The following TRHDE variants were observed in gnomAD, a reference collection of about 807,000 sequenced individuals.
TRHDE encodes the protein thyrotropin-releasing hormone-degrading ectoenzyme.
In TRHDE, 72 loss-of-function variants were observed where a neutral mutation model predicts 125.7. The ratio of observed to expected loss-of-function variants is 0.57; its 90% CI spans 0.47 to 0.70. The LOEUF (loss-of-function observed/expected upper bound fraction) is 0.70. Ranked by LOEUF, TRHDE falls within the 30% of genes least tolerant of loss-of-function variation. The pLI is 0.00. For missense variants in TRHDE, 1,110 were observed against 1,327.1 expected, an observed-to-expected ratio of 0.84 and a Z score of 2.54; for synonymous variants, 509 against 509.1, an observed-to-expected ratio of 1.00 and a Z score of 0.00.
rs542035102 is a variant in TRHDE at position 72,282,168 on chromosome 12, A to G, written c.915-4513A>G. 3.3e-5 allele frequency among the ~76,000 whole-genome samples: 5 copies of G among 152,334 alleles called. No individual in the cohort carries two copies. In the East Asian group the frequency reaches 9.6e-4, roughly 29 times the overall value. ...TTGTTTAGGAAAGCAGGAGAATAAC[A>G]GACAACAAAATACTTGTCCCCATTA... On this transcript the variant is annotated intron_variant, in intron 1 of 18. Coordinates refer to ENST00000261180, the MANE Select transcript of TRHDE (RefSeq NM_013381.3).
intron 2 of TRHDE, among the ~76,000 whole-genome samples, chr12:72,144,485 T>C (rs1373791714): frequency 6.6e-6 from 1 of 152,248 alleles, no homozygotes; most frequent in Non-Finnish European, 1.5e-5. Context: ...TGACTCCAGG[T>C]GAGCTTTAGC....
intron 3 of TRHDE, among the ~76,000 whole-genome samples, chr12:72,450,191 T>G (rs1163079837): frequency 1.3e-5 from 2 of 152,086 alleles, no homozygotes; most frequent in East Asian, 3.9e-4. Flanking sequence ...GATATACCTC[T>G]GAAATGCCTC....
intron 3 of TRHDE, among the ~76,000 whole-genome samples, chr12:72,404,862 G>C (rs779391551): frequency 1.2e-4 from 18 of 152,158 alleles, no homozygotes; most frequent in Non-Finnish European, 2.5e-4. Context: ...CCATGGGCAA[G>C]TTTGTTATCC....
At chr12:72,280,732 C>T (rs1879666671) in intron 1 of TRHDE, among the ~76,000 whole-genome samples, 1 of 152,048 alleles carries the variant, frequency 6.6e-6, no homozygotes, top group African/African-American at 2.4e-5. Flanking sequence ...TAGCAGGAAC[C>T]AGATAGCAGG....
At chr12:72,257,834 A>G (rs1878853082) in intron 2 of TRHDE, 1 of 152,188 alleles carries the variant, frequency 6.6e-6, no homozygotes, top group Admixed American at 6.5e-5. Context: ...TAAAAAGGGG[A>G]ACGTTTACAT....
At chr12:72,374,031 T>G (rs1487239924) in intron 2 of TRHDE, among the ~76,000 whole-genome samples, 10 of 152,146 alleles carry the variant, frequency 6.6e-5, no homozygotes. Context: ...GGACGAGGCA[T>G]CAGTAGGAAA....
At chr12:72,266,143 A>T (rs1879063160) in intron 2 of TRHDE, among the ~76,000 whole-genome samples, 1 of 152,060 alleles carries the variant, frequency 6.6e-6, no homozygotes, top group South Asian at 2.1e-4. Context: ...AAGAATGGGG[A>T]ATAAATGATT....
chr12:72,280,906 A>G lies in TRHDE; in HGVS notation c.915-5775A>G, dbSNP rs570872521. 1.4e-4 allele frequency among the ~76,000 whole-genome samples: 22 copies of G among 152,332 alleles called. No homozygotes were observed. The East Asian group carries it at 3.1e-3, about 21-fold the overall frequency. ...TTCCGTAATATTTTGCCTCTTTCCA[A>G]TAAAAAAACGTGAATCTCAGACACG... On this transcript the variant is annotated intron_variant, in intron 1 of 18. Coordinates refer to ENST00000261180, the MANE Select transcript of TRHDE (RefSeq NM_013381.3).
intron 3 of TRHDE, among the ~76,000 whole-genome samples, chr12:72,424,294 G>A (rs75737346): frequency 0.018 from 2,790 of 152,112 alleles, 92 homozygotes; most frequent in African/African-American, 0.064. Context: ...CTTCCTGTGT[G>A]TCTCTGTCTT....
At chr12:72,272,269 G>C, upstream of TRHDE, 1 of 366,132 alleles carries the variant, frequency 2.7e-6, no homozygotes, top group Non-Finnish European at 5.4e-6. This position sits in a 1 kb window ranked among gnomAD's most constrained non-coding sequence, Gnocchi z 6.7. Flanking sequence ...GAAGGCTCCC[G>C]CGGAAAGCGA....
intron 4 of TRHDE, 66 bp downstream of exon 4, chr12:72,469,978 C>T: frequency 2.0e-6 from 3 of 1,488,608 alleles, no homozygotes; most frequent in Non-Finnish European, 2.8e-6. Context: ...TGAATACCTA[C>T]ATTAAGAGCT....
rs538509908 is a variant in TRHDE at position 72,172,263 on chromosome 12, C to T, written n.279+66511C>T. Among the ~76,000 whole-genome samples, 4 of 152,286 alleles carry T rather than the reference C, an allele frequency of 2.6e-5. 1 individual carries two copies. The highest frequency in any genetic ancestry group is 9.6e-5 in the African/African-American group (4 of 41,570). Reference sequence around the variant, plus strand: ...TTAATGTATGACCTATATATGATTGCAGACATAAAGATTGAGAACACTGCA... The same window carrying T: ...TTAATGTATGACCTATATATGATTGTAGACATAAAGATTGAGAACACTGCA... On this transcript the variant is annotated intron_variant and non_coding_transcript_variant, in intron 2 of 4. Transcript: ENST00000548156.
chr12:72,512,534 TTATA>T (rs1053056142), intron 6 of TRHDE, among the ~76,000 whole-genome samples: 2 of 137,576 alleles, frequency 1.5e-5, no homozygotes, highest in African/African-American at 2.7e-5. Flanking sequence ...ATATATATGA[TTATA>T]TATATTCATA....
chr12:72,605,330 G>A (rs1424156418), intron 12 of TRHDE, among the ~76,000 whole-genome samples: 1 of 152,024 alleles, frequency 6.6e-6, no homozygotes, highest in African/African-American at 2.4e-5. Flanking sequence ...TAAGCTGTTA[G>A]CATTATTTCT....
intron 12 of TRHDE, among the ~76,000 whole-genome samples, chr12:72,599,654 A>G (rs1422996553): frequency 1.3e-5 from 2 of 152,068 alleles, no homozygotes; most frequent in Non-Finnish European, 2.9e-5. Context: ...ATTTCCTTCC[A>G]TTCTTTAGTT....
chr12:72,522,762 G>A (rs569376458), intron 6 of TRHDE, among the ~76,000 whole-genome samples: 7 of 152,094 alleles, frequency 4.6e-5, no homozygotes, highest in African/African-American at 1.7e-4. Context: ...CCCTTTTTCT[G>A]GTGTCCTGTG....
At chr12:72,517,744 C>T in intron 6 of TRHDE, among the ~76,000 whole-genome samples, 1 of 151,288 alleles carries the variant, frequency 6.6e-6, no homozygotes, top group Admixed American at 6.6e-5. Context: ...GTTAGGGTGT[C>T]AATTTTGGAT....
chr12:72,567,311 A>C (rs1555198285), intron 9 of TRHDE, among the ~76,000 whole-genome samples: 2 of 150,408 alleles, frequency 1.3e-5, no homozygotes, highest in Non-Finnish European at 3.0e-5. Flanking sequence ...GCCCTCCAAA[A>C]TGTTTTTTTT....
rs546216134 is a variant in TRHDE, at chr12:72,443,647, A to C, written c.1316-26111A>C. ...CATTAAGCTGTATCTATTTTTCTCT[A>C]TATATTTTATATTATAATGTATTGT... On this transcript the variant is annotated intron_variant, in intron 3 of 18. Coordinates refer to ENST00000261180, the MANE Select transcript of TRHDE (RefSeq NM_013381.3). Among the ~76,000 whole-genome samples the C allele has an allele frequency of 2.6e-5, 4 of 151,834 alleles. No individual in the cohort carries two copies. In the Admixed American group the frequency reaches 2.6e-4, roughly 10 times the overall value.
Sources: allele counts gnomAD v4.1 joint callset (sites outside exome capture counted in the v4.1 genomes callset), GRCh38; gene constraint gnomAD v4.1.1; non-coding constraint Gnocchi (gnomAD v3.1); transcripts MANE v1.5; gene names NCBI Gene and HGNC (gene_info 2026-07-23, HGNC 2026-07-21).